SLC4A4: variants seen among roughly 807,000 people sequenced by gnomAD.
SLC4A4 encodes solute carrier family 4 member 4.
A neutral mutation model predicts 111.5 loss-of-function variants in SLC4A4; 27 were observed. That is an observed-to-expected ratio of 0.24 (90% CI 0.18 to 0.33). SLC4A4 has a LOEUF of 0.33. SLC4A4 is among the 10% of genes least tolerant of loss of function. The pLI is 1.00. For synonymous variants in SLC4A4, 443 were observed against 463.4 expected (o/e 0.96, Z 0.57); for missense variants, 909 against 1,315.5 (o/e 0.69, Z 4.78).
chr4:71,389,451 T>TA (rs1448913584), intron 6 of SLC4A4, among the ~76,000 whole-genome samples: 1 of 152,200 alleles, frequency 6.6e-6, no homozygotes, highest in Non-Finnish European at 1.5e-5. Context: ...CTGAGATCCT[T>TA]ACACTCTGCC....
intron 2 of SLC4A4, among the ~76,000 whole-genome samples, chr4:71,125,971 A>G (rs10016399): frequency 0.028 from 4,312 of 152,292 alleles, 80 homozygotes; most frequent in Middle Eastern, 0.058. Context: ...ACATGCCTCT[A>G]TCATACGTTT....
intron 2 of SLC4A4, among the ~76,000 whole-genome samples, chr4:71,137,324 T>C (rs1322621879): frequency 6.6e-6 from 1 of 152,204 alleles, no homozygotes; most frequent in Admixed American, 6.5e-5. Context: ...TCATCCTCCA[T>C]TGATTGCTAA....
intron 2 of SLC4A4, among the ~76,000 whole-genome samples, chr4:71,249,012 T>C (rs1191173106): frequency 6.6e-6 from 1 of 152,184 alleles, no homozygotes; most frequent in Non-Finnish European, 1.5e-5. Flanking sequence ...ATCACTATTA[T>C]TATCATCATC....
chr4:71,315,389 T>C (rs2148860467), intron 3 of SLC4A4, among the ~76,000 whole-genome samples: 1 of 152,242 alleles, frequency 6.6e-6, no homozygotes, highest in South Asian at 2.1e-4. Flanking sequence ...ACAAAAGACA[T>C]TGAATAGTGA....
intron 6 of SLC4A4, among the ~76,000 whole-genome samples, chr4:71,373,479 T>C (rs935971967): frequency 3.3e-5 from 5 of 152,182 alleles, no homozygotes; most frequent in Admixed American, 2.0e-4. Context: ...AAGATCATGC[T>C]AGGCTAGAGA....
chr4:71,075,019 A>T (rs138492422), intron 1 of SLC4A4, among the ~76,000 whole-genome samples: 1 of 152,254 alleles, frequency 6.6e-6, no homozygotes, highest in African/African-American at 2.4e-5. Context: ...GGCTTAATTC[A>T]GAAGCCAAAA....
intron 15 of SLC4A4, among the ~76,000 whole-genome samples, chr4:71,494,923 G>A (rs1010374897): frequency 6.6e-6 from 1 of 152,032 alleles, no homozygotes; most frequent in African/African-American, 2.4e-5. Flanking sequence ...AGATAATATA[G>A]ATGTGTTTTC....
chr4:71,240,498 T>G (rs1196964956), intron 2 of SLC4A4, among the ~76,000 whole-genome samples: 7 of 152,208 alleles, frequency 4.6e-5, no homozygotes, highest in Non-Finnish European at 1.0e-4. Flanking sequence ...TATGCTATAT[T>G]GTGCTGGTTT....
chr4:71,175,463 T>C (rs776298123), intron 2 of SLC4A4, among the ~76,000 whole-genome samples: 8 of 152,166 alleles, frequency 5.3e-5, no homozygotes, highest in Admixed American at 3.9e-4. Flanking sequence ...ACCTGGAAAA[T>C]TGGGTGACTC....
intron 6 of SLC4A4, among the ~76,000 whole-genome samples, chr4:71,374,946 C>A (rs866170404): frequency 6.6e-6 from 1 of 152,192 alleles, no homozygotes; most frequent in Non-Finnish European, 1.5e-5. Flanking sequence ...TTTCTCCCTT[C>A]TTTCGGACTT....
At chr4:71,070,349 G>C (rs930947544) in intron 1 of SLC4A4, among the ~76,000 whole-genome samples, 11 of 152,172 alleles carry the variant, frequency 7.2e-5, no homozygotes, top group Non-Finnish European at 1.6e-4. Context: ...TAGTCACTCA[G>C]AATGAAGGAG....
At chr4:71,116,216 T>C (rs1466287114) in intron 2 of SLC4A4, among the ~76,000 whole-genome samples, 1 of 152,208 alleles carries the variant, frequency 6.6e-6, no homozygotes, top group Admixed American at 6.5e-5. Flanking sequence ...ATTCTATTAA[T>C]AAACCAAACA....
intron 1 of SLC4A4, among the ~76,000 whole-genome samples, chr4:71,204,821 A>G (rs1717651346): frequency 6.6e-6 from 1 of 152,230 alleles, no homozygotes; most frequent in African/African-American, 2.4e-5. Flanking sequence ...CTAACAGTGT[A>G]TAGTTGCACT....
At chr4:71,139,122 T>C (rs145044062) in intron 2 of SLC4A4, among the ~76,000 whole-genome samples, 143 of 151,246 alleles carry the variant, frequency 9.5e-4, no homozygotes, top group African/African-American at 3.5e-3. Context: ...CAAGGGATCA[T>C]TCGGTTGGAA....
intron 2 of SLC4A4, among the ~76,000 whole-genome samples, chr4:71,145,353 A>G (rs1473348657): frequency 6.6e-6 from 1 of 152,138 alleles, no homozygotes; most frequent in Non-Finnish European, 1.5e-5. Context: ...GTCTGCCAGT[A>G]TTTTATTGAG....
chr4:71,412,845 G>T (rs1278408281), intron 7 of SLC4A4, among the ~76,000 whole-genome samples: 1 of 152,202 alleles, frequency 6.6e-6, no homozygotes, highest in Non-Finnish European at 1.5e-5. Flanking sequence ...TGTGTTCACT[G>T]GGTGGGGTAT....
chr4:71,535,003 A>G (rs958226671), intron 18 of SLC4A4, among the ~76,000 whole-genome samples: 1 of 152,178 alleles, frequency 6.6e-6, no homozygotes, highest in East Asian at 1.9e-4. Context: ...CTCTTACTTT[A>G]TATAATGTTT....
At chr4:71,066,973 C>T (rs1290895891) in intron 1 of SLC4A4, among the ~76,000 whole-genome samples, 1 of 152,084 alleles carries the variant, frequency 6.6e-6, no homozygotes, top group Non-Finnish European at 1.5e-5. Flanking sequence ...TCTTTAGCCT[C>T]CTGCCAAAAA....
chr4:71,304,990 G>A (rs1034747394), intron 3 of SLC4A4, among the ~76,000 whole-genome samples: 1 of 152,196 alleles, frequency 6.6e-6, no homozygotes, highest in African/African-American at 2.4e-5. Flanking sequence ...TAACAAATAT[G>A]CTCAGTTACT....
Sources: allele counts gnomAD v4.1 joint callset (sites outside exome capture counted in the v4.1 genomes callset), GRCh38; gene constraint gnomAD v4.1.1; transcripts MANE v1.5; gene names NCBI Gene and HGNC (gene_info 2026-07-23, HGNC 2026-07-21).